The following MED13L variants were observed in gnomAD, a reference collection of about 807,000 sequenced individuals.
The protein encoded by MED13L is mediator complex subunit 13L.
MED13L carries 7 observed loss-of-function variants against 220.9 expected under a neutral mutation model. The ratio of observed to expected loss-of-function variants is 0.03; its 90% CI spans 0.02 to 0.06. The LOEUF (loss-of-function observed/expected upper bound fraction) is 0.06. MED13L is among the 10% of genes least tolerant of loss of function. The probability of loss-of-function intolerance (pLI) is 1.00; values close to 1 mark genes in which losing one functional copy is unlikely to be tolerated. For missense variants in MED13L, 1,965 were observed against 2,760.5 expected, an observed-to-expected ratio of 0.71 and a Z score of 6.46; for synonymous variants, 1,011 against 1,015.2, an observed-to-expected ratio of 1.00 and a Z score of 0.08.
At chr12:116,145,689 A>ATTTGTTTG (rs1364930493) in intron 2 of MED13L, among the ~76,000 whole-genome samples, 102 of 136,752 alleles carry the variant, frequency 7.5e-4, no homozygotes, top group Non-Finnish European at 9.9e-4. Flanking sequence ...TTATTTATTT[A>ATTTGTTTG]TTTATTTATT....
At chr12:116,094,979 T>G (rs1022174568) in intron 4 of MED13L, among the ~76,000 whole-genome samples, 3 of 152,080 alleles carry the variant, frequency 2.0e-5, no homozygotes, top group Non-Finnish European at 4.4e-5. Flanking sequence ...AGACCAGCCA[T>G]GGCAAAACCC....
At chr12:116,072,554 C>A (rs1870468080) in intron 4 of MED13L, among the ~76,000 whole-genome samples, 1 of 152,158 alleles carries the variant, frequency 6.6e-6, no homozygotes, top group Admixed American at 6.5e-5. Flanking sequence ...CGGGTTCAAG[C>A]AATTCTCCTG....
Position 115,994,966 on chromosome 12 carries a change from C to A in MED13L, c.2996+1510G>T, listed in dbSNP as rs1046180994. On this transcript the variant is annotated intron_variant, in intron 16 of 30. Coordinates refer to ENST00000281928, the MANE Select transcript of MED13L (RefSeq NM_015335.5). ...GGATTACTCCATTTTAAAGGGAAGA[C>A]CCACGTAAAATGGTCATTTAAGGTC... 5.9e-5 allele frequency among the ~76,000 whole-genome samples: 9 copies of A among 152,286 alleles called. No individual in the cohort carries two copies. In the East Asian group the frequency reaches 7.7e-4, roughly 13 times the overall value.
chr12:116,125,637 C>A (rs567303867), intron 2 of MED13L, among the ~76,000 whole-genome samples: 2 of 152,278 alleles, frequency 1.3e-5, no homozygotes, highest in East Asian at 3.9e-4. Context: ...ACAATTTCTA[C>A]TGTCGGTGCC....
Position 115,975,572 on chromosome 12 carries a change from G to C in MED13L, c.5531C>G (p.Thr1844Ser). 1.2e-6 allele frequency: 2 copies of C among 1,614,172 alleles called. No homozygotes were observed. The highest frequency in any genetic ancestry group is 1.7e-5 in the Admixed American group (1 of 60,032). Residue 1844 changes from threonine to serine, a missense_variant, in exon 24 of 31, where the codon ACT (threonine) becomes AGT (serine). Physicochemically the swap from Thr to Ser is moderately conservative, Grantham distance 58 (BLOSUM62 1). Coordinates refer to ENST00000281928, the MANE Select transcript of MED13L (RefSeq NM_015335.5). ...CTCTAATAATTCCCCATGGAGGTCAGTGCAGGAAGCCAAAAGCCAGCGCTG... is the reference window on the plus strand; with the variant it reads ...CTCTAATAATTCCCCATGGAGGTCACTGCAGGAAGCCAAAAGCCAGCGCTG... ...HDQRWLLASC[T>S]DLHGELLETC...
chr12:115,982,774 G>C (rs1311679162), intron 21 of MED13L, among the ~76,000 whole-genome samples, 171 bp from the exon 22 acceptor site: 1 of 152,176 alleles, frequency 6.6e-6, no homozygotes, highest in Non-Finnish European at 1.5e-5. Context: ...AAGCCAGAGA[G>C]CATCGAGGGC....
At chr12:115,965,979 C>G in intron 29 of MED13L, 103 bp downstream of exon 29, 2 of 1,383,114 alleles carry the variant, frequency 1.4e-6, no homozygotes, top group Non-Finnish European at 2.0e-6. Flanking sequence ...AAAAAAGGAA[C>G]AGAATAAGAT....
At chr12:116,090,251 A>C (rs968430167) in intron 4 of MED13L, among the ~76,000 whole-genome samples, 1 of 152,222 alleles carries the variant, frequency 6.6e-6, no homozygotes, top group Non-Finnish European at 1.5e-5. Context: ...ATAGGTGGTC[A>C]CCTCTGTAAT....
intron 2 of MED13L, among the ~76,000 whole-genome samples, chr12:116,148,074 A>AAAAAAAAAAAAAAAAGG (rs1377801971): frequency 1.0e-5 from 1 of 98,312 alleles, no homozygotes; most frequent in Non-Finnish European, 2.0e-5. Flanking sequence ...AAAAAAAAAA[A>AAAAAAAAAAAAAAAAGG]GAGGGGGGCG....
intron 4 of MED13L, among the ~76,000 whole-genome samples, chr12:116,074,019 G>A (rs1593012749): frequency 6.6e-6 from 1 of 152,274 alleles, no homozygotes; most frequent in Admixed American, 6.5e-5. Flanking sequence ...GTTTTCTCAC[G>A]ATTTATTATT....
At chr12:116,243,712 G>C (rs572799577) in intron 1 of MED13L, among the ~76,000 whole-genome samples, 1 of 152,010 alleles carries the variant, frequency 6.6e-6, no homozygotes, top group Non-Finnish European at 1.5e-5. Flanking sequence ...ATCAAGAGAC[G>C]TTGATTAGAA....
intron 4 of MED13L, among the ~76,000 whole-genome samples, chr12:116,041,845 G>GACAA (rs1163910028): frequency 1.2e-4 from 19 of 152,102 alleles, no homozygotes; most frequent in Admixed American, 5.2e-4. Context: ...AAAACAGACA[G>GACAA]ACAAACAAAC....
intron 17 of MED13L, among the ~76,000 whole-genome samples, chr12:115,989,526 T>C (rs927651210): frequency 2.6e-5 from 4 of 151,964 alleles, no homozygotes; most frequent in African/African-American, 9.7e-5. Context: ...GCCCCCTTAA[T>C]TGAAGTTATC....
At chr12:116,240,435 T>C (rs1002321118) in intron 1 of MED13L, among the ~76,000 whole-genome samples, 5 of 152,012 alleles carry the variant, frequency 3.3e-5, no homozygotes, top group African/African-American at 4.8e-5. Flanking sequence ...GCAATGTGTA[T>C]GTTTTAATCA....
rs200187663 is a variant in MED13L at position 115,991,088 on chromosome 12, G to A, written c.3866C>T (p.Pro1289Leu). The A allele has an allele frequency of 2.2e-4, 350 of 1,614,150 alleles. No individual in the cohort carries two copies. Among genetic ancestry groups the A allele is most frequent in the Admixed American group, 4.0e-4 (24 of 60,018 alleles). ...AGCTTCGTCCACTTTTCCACCAGTGGGGTTATCCACATACTGCCGCCCCTG... is the reference window on the plus strand; with the variant it reads ...AGCTTCGTCCACTTTTCCACCAGTGAGGTTATCCACATACTGCCGCCCCTG... ...LEQGRQYVDN[P>L]TGGKVDEALV... is the part of the protein sequence containing the mutation. The change falls in exon 17 of 31, where the codon CCC (proline) becomes CTC (leucine). Residue 1289 changes from proline to leucine, a missense_variant. By Grantham distance (98) the Pro-to-Leu change is moderately conservative (BLOSUM62 -3). Coordinates refer to ENST00000281928, the MANE Select transcript of MED13L (RefSeq NM_015335.5). This position sits in a 1 kb window ranked among gnomAD's most constrained non-coding sequence, Gnocchi z 7.7.
chr12:116,186,347 C>G (rs1331730735), intron 2 of MED13L, among the ~76,000 whole-genome samples: 3 of 152,144 alleles, frequency 2.0e-5, no homozygotes, highest in African/African-American at 7.2e-5. Context: ...GATTAGACAT[C>G]AGATTTACAG....
chr12:116,246,934 G>A (rs1183101379), intron 1 of MED13L, among the ~76,000 whole-genome samples: 3 of 142,332 alleles, frequency 2.1e-5, no homozygotes, highest in Non-Finnish European at 4.6e-5. Context: ...GAGGAGGGGA[G>A]GGAAGGAAGG....
intron 29 of MED13L, 73 bp downstream of exon 29, chr12:115,966,009 A>T: frequency 6.4e-7 from 1 of 1,566,088 alleles, no homozygotes; most frequent in Non-Finnish European, 8.8e-7. Flanking sequence ...TAAAACTGAA[A>T]TTTCTAACCA....
chr12:116,089,519 A>C (rs985447548), intron 4 of MED13L, among the ~76,000 whole-genome samples: 11 of 152,228 alleles, frequency 7.2e-5, no homozygotes, highest in African/African-American at 2.7e-4. Flanking sequence ...TAGAGGTGGC[A>C]GAAATATATG....
Sources: allele counts gnomAD v4.1 joint callset (sites outside exome capture counted in the v4.1 genomes callset), GRCh38; gene constraint gnomAD v4.1.1; non-coding constraint Gnocchi (gnomAD v3.1); transcripts MANE v1.5; gene names NCBI Gene and HGNC (gene_info 2026-07-23, HGNC 2026-07-21).